The following COL24A1 variants were observed in gnomAD, a reference collection of about 807,000 sequenced individuals.
The protein encoded by COL24A1 is collagen type XXIV alpha 1 chain.
In COL24A1, 224 loss-of-function variants were observed where a neutral mutation model predicts 253.9. The observed-to-expected ratio is 0.88, with a 90% CI of 0.79 to 0.99. The LOEUF is 0.99. COL24A1 is among the 50% of genes least tolerant of loss of function. The probability of loss-of-function intolerance (pLI) is 0.00; values close to 1 mark genes in which losing one functional copy is unlikely to be tolerated. For missense variants in COL24A1, 2,131 were observed against 2,068.5 expected (o/e 1.03, Z -0.59); for synonymous variants, 685 against 673.7 (o/e 1.02, Z -0.26).
At chr1:85,985,382 G>A (rs1051724818) in intron 20 of COL24A1, among the ~76,000 whole-genome samples, 2 of 151,756 alleles carry the variant, frequency 1.3e-5, no homozygotes, top group Non-Finnish European at 3.0e-5. Context: ...TGGTGGATAT[G>A]ACTGTATAAC....
intron 24 of COL24A1, among the ~76,000 whole-genome samples, chr1:85,922,783 C>G (rs913890756): frequency 6.6e-6 from 1 of 152,154 alleles, no homozygotes; most frequent in African/African-American, 2.4e-5. Context: ...AACCAGCTAA[C>G]ATCATAATGA....
At chr1:85,866,131 T>C (rs1173810824) in intron 37 of COL24A1, among the ~76,000 whole-genome samples, 1 of 151,888 alleles carries the variant, frequency 6.6e-6, no homozygotes, top group African/African-American at 2.4e-5. Context: ...GGCATGGTGG[T>C]GGGTGCCTGT....
chr1:85,906,712 A>G (rs10873734), intron 28 of COL24A1, among the ~76,000 whole-genome samples: 49,677 of 151,642 alleles, frequency 0.33, 8,856 homozygotes, highest in East Asian at 0.51. Flanking sequence ...ATGAAGATTT[A>G]TTATTTAATT....
chr1:85,899,947 T>C (rs1045513336), intron 28 of COL24A1, among the ~76,000 whole-genome samples: 2 of 152,202 alleles, frequency 1.3e-5, no homozygotes, highest in African/African-American at 4.8e-5. Context: ...AAGTTTATAA[T>C]ATTTTTTCAA....
At chr1:85,903,539 T>A (rs1445078797) in intron 28 of COL24A1, among the ~76,000 whole-genome samples, 4 of 152,270 alleles carry the variant, frequency 2.6e-5, no homozygotes, top group Admixed American at 1.3e-4. Flanking sequence ...TAAAAATATC[T>A]CATGGATATT....
chr1:86,071,952 T>C (rs578017486), intron 7 of COL24A1, among the ~76,000 whole-genome samples: 108 of 152,252 alleles, frequency 7.1e-4, no homozygotes, highest in African/African-American at 2.5e-3. Flanking sequence ...TGAGGGACTA[T>C]GCCTTGTGGG....
chr1:85,854,295 G>A (rs997863144), intron 37 of COL24A1, among the ~76,000 whole-genome samples: 37 of 152,066 alleles, frequency 2.4e-4, no homozygotes, highest in African/African-American at 7.2e-5. Context: ...TTTATTTCTC[G>A]GTTCTCTAAC....
At chr1:85,830,738 C>A (rs374231416) in intron 43 of COL24A1, among the ~76,000 whole-genome samples, 1 of 152,292 alleles carries the variant, frequency 6.6e-6, no homozygotes, top group African/African-American at 2.4e-5. Flanking sequence ...CTCCCTGACC[C>A]CTTGCGCTTG....
chr1:86,085,032 C>T (rs1466904851), intron 7 of COL24A1, among the ~76,000 whole-genome samples: 1 of 152,300 alleles, frequency 6.6e-6, no homozygotes, highest in South Asian at 2.1e-4. Flanking sequence ...GGCTATAGAA[C>T]AGTAGAATTC....
intron 2 of COL24A1, among the ~76,000 whole-genome samples, chr1:86,142,250 G>A (rs940952972): frequency 1.6e-4 from 25 of 151,992 alleles, no homozygotes; most frequent in African/African-American, 3.4e-4. Context: ...GAGGCCAGGC[G>A]CTGTGGCTCA....
intron 58 of COL24A1, among the ~76,000 whole-genome samples, chr1:85,735,971 T>C (rs1390267704): frequency 6.6e-6 from 1 of 152,174 alleles, no homozygotes; most frequent in Non-Finnish European, 1.5e-5. Flanking sequence ...CATGGAAAGA[T>C]AATAAGGAAC....
chr1:85,994,751 A>G (rs993493998), intron 19 of COL24A1, among the ~76,000 whole-genome samples: 1 of 152,242 alleles, frequency 6.6e-6, no homozygotes, highest in East Asian at 1.9e-4. Context: ...ATAGAAACTA[A>G]ACTTTAGCAC....
rs756517375 is a variant in COL24A1 at position 86,125,939 on chromosome 1, A to T, written c.397T>A (p.Leu133Ile). The change falls in exon 3 of 60, where the codon TTA becomes ATA. Residue 133 changes from leucine to isoleucine, a missense_variant. Leu to Ile is a conservative substitution (Grantham distance 5). Coordinates refer to ENST00000370571, the MANE Select transcript of COL24A1 (RefSeq NM_152890.7). ...TTTTTAGGTAGTAATTGTACTCCTA[A>T]TTGCAGTCTATTTTTATTTCTAATG... ...FSIRNKNRLQLGVQLLPKKLV... is the reference protein window; with the variant it reads ...FSIRNKNRLQIGVQLLPKKLV... 41 of 1,613,322 alleles carry T rather than the reference A, an allele frequency of 2.5e-5. No individual in the cohort carries two copies. The highest frequency in any genetic ancestry group is 7.6e-6 in the Non-Finnish European group (9 of 1,179,750).
At chr1:85,947,998 T>C (rs1689493938) in intron 24 of COL24A1, among the ~76,000 whole-genome samples, 1 of 152,162 alleles carries the variant, frequency 6.6e-6, no homozygotes, top group Non-Finnish European at 1.5e-5. Flanking sequence ...AACAGTTTAT[T>C]CCTTTTTTCC....
At chr1:85,885,628 C>T (rs920593790) in intron 32 of COL24A1, among the ~76,000 whole-genome samples, 4 of 151,742 alleles carry the variant, frequency 2.6e-5, no homozygotes, top group Non-Finnish European at 4.4e-5. Flanking sequence ...AATATGCATG[C>T]CATAGTAAGC....
intron 5 of COL24A1, among the ~76,000 whole-genome samples, chr1:86,100,204 C>T (rs1293325055): frequency 6.6e-6 from 1 of 152,118 alleles, no homozygotes; most frequent in Non-Finnish European, 1.5e-5. Flanking sequence ...CCTCATTCAG[C>T]TATTCTTCAA....
intron 24 of COL24A1, among the ~76,000 whole-genome samples, chr1:85,913,372 T>C (rs750380435): frequency 1.3e-5 from 2 of 152,270 alleles, no homozygotes; most frequent in Middle Eastern, 3.4e-3. Flanking sequence ...CAATATATGG[T>C]GCTGTTTCTC....
intron 7 of COL24A1, among the ~76,000 whole-genome samples, chr1:86,086,649 C>A (rs1257362956): frequency 6.6e-6 from 1 of 152,088 alleles, no homozygotes; most frequent in African/African-American, 2.4e-5. Context: ...GTGTAGAAAT[C>A]ATTGTAGGAA....
At chr1:85,994,636 A>AAAAACAT (rs1694602375) in intron 19 of COL24A1, among the ~76,000 whole-genome samples, 1 of 152,204 alleles carries the variant, frequency 6.6e-6, no homozygotes, top group African/African-American at 2.4e-5. Context: ...AATAAAAAAG[A>AAAAACAT]AAAACATTAA....
Sources: allele counts gnomAD v4.1 joint callset (sites outside exome capture counted in the v4.1 genomes callset), GRCh38; gene constraint gnomAD v4.1.1; transcripts MANE v1.5; gene names NCBI Gene and HGNC (gene_info 2026-07-23, HGNC 2026-07-21).